CAMKMT: variants seen among roughly 807,000 people sequenced by gnomAD.
CAMKMT encodes the protein calmodulin-lysine N-methyltransferase.
A neutral mutation model predicts 48.0 loss-of-function variants in CAMKMT; 53 were observed. That is an observed-to-expected ratio of 1.10 (90% CI 0.89 to 1.39). The LOEUF is 1.39. CAMKMT is among the 40% of genes most tolerant of loss of function. The pLI is 0.00. For missense variants in CAMKMT, 428 were observed against 402.7 expected, an observed-to-expected ratio of 1.06 and a Z score of -0.54; for synonymous variants, 165 against 152.3, an observed-to-expected ratio of 1.08 and a Z score of -0.61.
At position 44,383,969 on chromosome 2, in the gene CAMKMT, A is replaced by T. The variant is rs189110945; in HGVS notation, c.312-6272A>T. 1.5e-3 allele frequency among the ~76,000 whole-genome samples: 234 copies of T among 152,018 alleles called. 1 individual carries two copies. The highest frequency in any genetic ancestry group is 5.4e-3 in the African/African-American group (225 of 41,460). The stretch of plus-strand genomic sequence containing the variant: ...AAGGGTCTTTTTCGAATAATGACTT[A>T]TTTTCCTCTGGGTAGATACCAAGTA... On this transcript the variant is annotated intron_variant, in intron 2 of 10. Coordinates refer to ENST00000378494, the MANE Select transcript of CAMKMT (RefSeq NM_024766.5).
At chr2:44,461,711 A>G (rs1038547373) in intron 3 of CAMKMT, among the ~76,000 whole-genome samples, 1 of 152,240 alleles carries the variant, frequency 6.6e-6, no homozygotes, top group African/African-American at 2.4e-5. Flanking sequence ...AATATTTCAT[A>G]CAAATTCTTT....
Position 44,657,500 on chromosome 2 carries a change from G to A in CAMKMT, c.377-46783G>A, listed in dbSNP as rs1000696181. 6.6e-6 allele frequency among the ~76,000 whole-genome samples: 1 copy of A among 152,176 alleles called. No individual in the cohort carries two copies. The highest frequency in any genetic ancestry group is 2.4e-5 in the African/African-American group (1 of 41,446). On this transcript the variant is annotated intron_variant, in intron 3 of 10. Transcript: ENST00000378494. This position sits in a 1 kb window ranked among gnomAD's most constrained non-coding sequence, Gnocchi z 4.3. ...TGCCATCAAGATATTTCTGGCCAAG[G>A]TCATGCCTTCCATGCTTTATGGTAT...
chr2:44,573,522 A>G (rs529990696), intron 3 of CAMKMT, among the ~76,000 whole-genome samples: 41 of 152,040 alleles, frequency 2.7e-4, no homozygotes, highest in Admixed American at 7.2e-4. Context: ...TTTAATTTTG[A>G]TGAAGTTTGA....
chr2:44,623,229 C>T (rs564450192), intron 3 of CAMKMT, among the ~76,000 whole-genome samples: 4 of 152,094 alleles, frequency 2.6e-5, no homozygotes, highest in Admixed American at 6.5e-5. Context: ...GATATTAGGC[C>T]TTTGTTGGTA....
At position 44,673,859 on chromosome 2, in the gene CAMKMT, G is replaced by A. The variant is rs145562402; in HGVS notation, c.377-30424G>A. On this transcript the variant is annotated intron_variant, in intron 3 of 10. Coordinates refer to ENST00000378494, the MANE Select transcript of CAMKMT (RefSeq NM_024766.5). The stretch of plus-strand genomic sequence containing the variant: ...AAGATTAAATACTTCTTCAGGGTGG[G>A]AACAAACAGCCGAGCATAATGGAAC... Among the ~76,000 whole-genome samples the A allele has an allele frequency of 9.2e-5, 14 of 152,224 alleles. 1 individual carries two copies. In the East Asian group the frequency reaches 2.7e-3, roughly 29 times the overall value.
At chr2:44,434,625 A>C (rs1379364020) in intron 3 of CAMKMT, among the ~76,000 whole-genome samples, 1 of 152,166 alleles carries the variant, frequency 6.6e-6, no homozygotes, top group Non-Finnish European at 1.5e-5. Context: ...TTGTCTCCCC[A>C]AGATCAATTA....
At chr2:44,644,500 C>A (rs1187322896) in intron 3 of CAMKMT, among the ~76,000 whole-genome samples, 1 of 152,166 alleles carries the variant, frequency 6.6e-6, no homozygotes, top group African/African-American at 2.4e-5. Flanking sequence ...CTTTCTCAAT[C>A]AACTCCAAAG....
chr2:44,586,276 C>T (rs1292894513), intron 3 of CAMKMT, among the ~76,000 whole-genome samples: 1 of 152,076 alleles, frequency 6.6e-6, no homozygotes, highest in Non-Finnish European at 1.5e-5. Context: ...ATTTGCTATA[C>T]ATTGCACGTA....
At chr2:44,380,194 A>C (rs1680098502) in intron 2 of CAMKMT, among the ~76,000 whole-genome samples, 1 of 152,184 alleles carries the variant, frequency 6.6e-6, no homozygotes, top group African/African-American at 2.4e-5. Flanking sequence ...TTTTAGGAAG[A>C]AACTCAAAGT....
chr2:44,609,918 A>G (rs1315236281), intron 3 of CAMKMT, among the ~76,000 whole-genome samples: 1 of 152,202 alleles, frequency 6.6e-6, no homozygotes, highest in Non-Finnish European at 1.5e-5. Context: ...GTTGAAAACC[A>G]TTGTCAAGAG....
chr2:44,437,052 T>TA (rs1572872015), intron 3 of CAMKMT, among the ~76,000 whole-genome samples: 1 of 152,284 alleles, frequency 6.6e-6, no homozygotes, highest in East Asian at 1.9e-4. Context: ...ATTTTATTTT[T>TA]AAAAATCTTA....
At chr2:44,677,265 G>C (rs1012661369) in intron 3 of CAMKMT, among the ~76,000 whole-genome samples, 4 of 152,218 alleles carry the variant, frequency 2.6e-5, no homozygotes, top group South Asian at 4.1e-4. Flanking sequence ...AACTTTGAGT[G>C]TGCCAGGAGT....
At chr2:44,713,263 CA>C (rs1677981031) in intron 6 of CAMKMT, among the ~76,000 whole-genome samples, 1 of 152,098 alleles carries the variant, frequency 6.6e-6, no homozygotes, top group African/African-American at 2.4e-5. Context: ...CCTCCACTAA[CA>C]AAATAATATG....
intron 3 of CAMKMT, among the ~76,000 whole-genome samples, chr2:44,684,755 G>C (rs983728984): frequency 8.5e-5 from 13 of 152,182 alleles, no homozygotes; most frequent in African/African-American, 3.1e-4. Context: ...GCCCAGGGCA[G>C]TCCTCCTCCC....
intron 3 of CAMKMT, among the ~76,000 whole-genome samples, chr2:44,573,664 C>G (rs1022811863): frequency 6.6e-6 from 1 of 151,996 alleles, no homozygotes; most frequent in Non-Finnish European, 1.5e-5. Context: ...AAAATATTCT[C>G]TGAAATTTTC....
At chr2:44,579,887 A>G (rs1288472031) in intron 3 of CAMKMT, among the ~76,000 whole-genome samples, 1 of 107,574 alleles carries the variant, frequency 9.3e-6, no homozygotes, top group East Asian at 2.1e-4. Context: ...ATTGTGGTCC[A>G]AAGTGACTGC....
chr2:44,379,230 C>G (rs972943397), intron 2 of CAMKMT, among the ~76,000 whole-genome samples: 25 of 152,158 alleles, frequency 1.6e-4, no homozygotes, highest in Non-Finnish European at 2.9e-4. Context: ...AAGATTCAGC[C>G]ATATTGTACC....
chr2:44,538,826 A>G lies in CAMKMT; in HGVS notation c.376+148521A>G, dbSNP rs569420619. On this transcript the variant is annotated intron_variant, in intron 3 of 10. Coordinates refer to ENST00000378494, the MANE Select transcript of CAMKMT (RefSeq NM_024766.5). ...CAAACCCAAGGAAAAGTTGCATACC[A>G]TTTACTTACACTTGTATGCCCTTTA... is the stretch of plus-strand genomic sequence containing the variant. 2.6e-5 allele frequency among the ~76,000 whole-genome samples: 4 copies of G among 152,136 alleles called. No homozygotes were observed. In the South Asian group the frequency reaches 8.3e-4, roughly 32 times the overall value.
At chr2:44,666,591 T>A (rs1674983245) in intron 3 of CAMKMT, among the ~76,000 whole-genome samples, 1 of 150,416 alleles carries the variant, frequency 6.6e-6, no homozygotes, top group Non-Finnish European at 1.5e-5. Flanking sequence ...TGTATTTTGA[T>A]CTCCTTTTGG....
Sources: allele counts gnomAD v4.1 joint callset (sites outside exome capture counted in the v4.1 genomes callset), GRCh38; gene constraint gnomAD v4.1.1; non-coding constraint Gnocchi (gnomAD v3.1); transcripts MANE v1.5; gene names NCBI Gene and HGNC (gene_info 2026-07-23, HGNC 2026-07-21).